PLA2G4C: variants seen among roughly 807,000 people sequenced by gnomAD.
PLA2G4C encodes phospholipase A2 group IVC.
PLA2G4C carries 64 observed loss-of-function variants against 73.8 expected under a neutral mutation model. That is an observed-to-expected ratio of 0.87 (90% CI 0.71 to 1.07). PLA2G4C has a LOEUF of 1.07. Among genes scored for constraint, PLA2G4C ranks in the 50% least tolerant of loss-of-function variants. PLA2G4C has a pLI of 0.00. For synonymous variants in PLA2G4C, 254 were observed against 252.1 expected (o/e 1.01, Z -0.07); for missense variants, 622 against 665.4 (o/e 0.93, Z 0.72).
intron 9 of PLA2G4C, among the ~76,000 whole-genome samples, chr19:48,088,362 A>G (rs552682297): frequency 7.9e-6 from 1 of 126,484 alleles, no homozygotes. Context: ...TCACATCCTT[A>G]AGCGGAAAAA....
chr19:48,071,680 C>T (rs1968664267), intron 12 of PLA2G4C, among the ~76,000 whole-genome samples: 1 of 151,682 alleles, frequency 6.6e-6, no homozygotes, highest in African/African-American at 2.4e-5. Flanking sequence ...AACTCCTGGC[C>T]TCAAGCGACC....
intron 1 of PLA2G4C, among the ~76,000 whole-genome samples, chr19:48,107,601 G>A (rs767483243): frequency 1.5e-4 from 23 of 152,240 alleles, no homozygotes; most frequent in Non-Finnish European, 2.9e-4. Context: ...TAGAGACCAG[G>A]AAAGGGAGTC....
At chr19:48,091,446 C>CCA (rs1260745653) in intron 7 of PLA2G4C, among the ~76,000 whole-genome samples, 1 of 152,124 alleles carries the variant, frequency 6.6e-6, no homozygotes, top group African/African-American at 2.4e-5. Context: ...CCTCGGCCTC[C>CCA]CACAGTGCTG....
intron 6 of PLA2G4C, chr19:48,097,251 C>CTTCTTTTTTTTTTTT (rs1340148092): frequency 1.2e-5 from 1 of 86,576 alleles, no homozygotes; most frequent in East Asian, 2.8e-4. Flanking sequence ...TTTCTTTTTT[C>CTTCTTTTTTTTTTTT]TTTTTTTTTT....
At chr19:48,077,678 C>T in intron 11 of PLA2G4C, 93 bp downstream of exon 11, 1 of 930,300 alleles carries the variant, frequency 1.1e-6, no homozygotes, top group Non-Finnish European at 1.6e-6. Flanking sequence ...CCACATGAAT[C>T]AGACACGTAA....
At chr19:48,061,886 A>G in intron 14 of PLA2G4C, 112 bp downstream of exon 14, 2 of 1,082,582 alleles carry the variant, frequency 1.8e-6, no homozygotes, top group Non-Finnish European at 2.7e-6. Flanking sequence ...CTTCCCAGCC[A>G]GCACCTCCCC....
At chr19:48,079,994 TA>T (rs1179708400) in intron 10 of PLA2G4C, among the ~76,000 whole-genome samples, 2 of 152,200 alleles carry the variant, frequency 1.3e-5, no homozygotes, top group East Asian at 3.9e-4. Flanking sequence ...CTGAGTAAAT[TA>T]AAAAGCTTCT....
At chr19:48,105,532 A>C (rs2032132657) in intron 2 of PLA2G4C, 88 bp from the exon 3 acceptor site, 1 of 974,270 alleles carries the variant, frequency 1.0e-6, no homozygotes, top group Admixed American at 2.1e-5. Flanking sequence ...GGGCTGTCCA[A>C]GCAGGTAGCC....
At chr19:48,105,082 C>CAAAAAAAA (rs3083068) in intron 3 of PLA2G4C, among the ~76,000 whole-genome samples, 4 of 87,606 alleles carry the variant, frequency 4.6e-5, no homozygotes, top group East Asian at 3.5e-4. Context: ...GACGTTGTCT[C>CAAAAAAAA]AAAAAAAAAA....
chr19:48,067,798 G>C lies in PLA2G4C; in HGVS notation c.1095C>G (p.Tyr365Ter), dbSNP rs758502536. ...GGAAGAGGGTCTTCTCACCGTGTTT[G>C]TACAGGAAGTTGTGAGTGGTCCCCC... is the stretch of plus-strand genomic sequence containing the variant. Reference protein sequence around the residue: ...WEWGTTHNFLYKHGGIRDKIM... With the variant: ...WEWGTTHNFL The change falls in exon 13 of 17, where the codon TAC (tyrosine) becomes TAG (stop). Residue 365 changes from tyrosine to a stop codon, truncating the protein, a stop_gained. Transcript: ENST00000599921. LOFTEE classifies it high-confidence loss of function. 1 of 1,605,162 alleles carries C rather than the reference G, an allele frequency of 6.2e-7. No homozygotes were observed. The highest frequency in any genetic ancestry group is 1.7e-5 in the Admixed American group (1 of 60,018).
At chr19:48,088,327 C>T (rs552295748) in intron 9 of PLA2G4C, among the ~76,000 whole-genome samples, 1 of 150,936 alleles carries the variant, frequency 6.6e-6, no homozygotes, top group East Asian at 2.0e-4. Flanking sequence ...CCAAATTAGG[C>T]TATAATTAGC....
rs1290678218 is a variant in PLA2G4C at position 48,055,203 on chromosome 19, A to G, written c.1258-154T>C. On this transcript the variant is annotated intron_variant, in intron 14 of 16. Coordinates refer to ENST00000599921, the MANE Select transcript of PLA2G4C (RefSeq NM_003706.3). Reference sequence around the variant, plus strand: ...TTGGACAGGGACAACATCTTCTGTAAGGGAAAGAGTAAGCCTCTGCCATCA... The same window carrying G: ...TTGGACAGGGACAACATCTTCTGTAGGGGAAAGAGTAAGCCTCTGCCATCA... 8.9e-6 allele frequency: 6 copies of G among 672,336 alleles called. 1 individual carries two copies. Among genetic ancestry groups the G allele is most frequent in the Admixed American group, 2.9e-5 (1 of 34,176 alleles). The allele number at this position is 672,336 out of a possible 1,614,324, so 41.6% of individuals were successfully genotyped here. A position where few individuals can be genotyped will look rare whatever the true frequency, so the allele number is the denominator to read the frequency against.
rs189217212 is a variant in PLA2G4C, at chr19:48,081,705, G to A, written c.844+3354C>T. On this transcript the variant is annotated intron_variant, in intron 10 of 16. Coordinates refer to ENST00000599921, the MANE Select transcript of PLA2G4C (RefSeq NM_003706.3). ...ACCCAGGAGGTGGAGGTTGCGGTGA[G>A]CAGAGATCGCTCCATTGCACTCCAG... Among the ~76,000 whole-genome samples the A allele has an allele frequency of 9.9e-4, 151 of 152,092 alleles. No homozygotes were observed. The Middle Eastern group carries it at 0.01, about 10-fold the overall frequency.
intron 1 of PLA2G4C, among the ~76,000 whole-genome samples, chr19:48,108,231 C>T (rs775569156): frequency 2.5e-4 from 38 of 152,178 alleles, no homozygotes; most frequent in Non-Finnish European, 5.0e-4. Context: ...AACTCTTGGG[C>T]TCAAGCAATC....
intron 9 of PLA2G4C, among the ~76,000 whole-genome samples, chr19:48,085,357 C>T (rs11564586): frequency 0.074 from 11,302 of 152,212 alleles, 764 homozygotes; most frequent in African/African-American, 0.17. Flanking sequence ...TGGAGCCAGC[C>T]GGGCACTGTA....
At chr19:48,076,454 G>A (rs1053440916) in intron 11 of PLA2G4C, among the ~76,000 whole-genome samples, 3 of 152,136 alleles carry the variant, frequency 2.0e-5, no homozygotes, top group Non-Finnish European at 4.4e-5. Flanking sequence ...CGAGATGCAA[G>A]CAGCTTGGCC....
At chr19:48,090,088 C>A in intron 8 of PLA2G4C, 2 of 432,370 alleles carry the variant, frequency 4.6e-6, no homozygotes, top group Non-Finnish European at 4.2e-6. Context: ...CCGCATGGCA[C>A]AGAGGCAGAA....
At chr19:48,088,569 A>G in intron 9 of PLA2G4C, 117 bp downstream of exon 9, 1 of 744,966 alleles carries the variant, frequency 1.3e-6, no homozygotes, top group East Asian at 2.5e-5. Context: ...CCAGATAAAG[A>G]ATTCAAATGG....
At position 48,088,806 on chromosome 19, in the gene PLA2G4C, A is replaced by T. The variant is rs1192797346; in HGVS notation, c.764-94T>A. Reference sequence around the variant, plus strand: ...TACAGATGACCTGCAGGGATATTTCATTAATAGAAATGGCAGCCATGGGCT... The same window carrying T: ...TACAGATGACCTGCAGGGATATTTCTTTAATAGAAATGGCAGCCATGGGCT... On this transcript the variant is annotated intron_variant, in intron 8 of 16. Transcript: ENST00000599921. The T allele has an allele frequency of 9.3e-6, 9 of 968,328 alleles. No individual in the cohort carries two copies. In the East Asian group the frequency reaches 2.2e-4, roughly 24 times the overall value. The allele number at this position is 968,328 out of a possible 1,614,324, so 60.0% of individuals were successfully genotyped here. A position where few individuals can be genotyped will look rare whatever the true frequency, so the allele number is the denominator to read the frequency against.
Sources: gnomAD v4.1 joint callset for allele counts (sites outside exome capture counted in the v4.1 genomes callset) on GRCh38, gnomAD v4.1.1 for gene constraint, MANE v1.5 for transcripts, NCBI Gene and HGNC (gene_info 2026-07-23, HGNC 2026-07-21) for gene names.